Variants in KDM5A observed in about 807,000 individuals in gnomAD.
KDM5A encodes lysine demethylase 5A.
KDM5A carries 42 observed loss-of-function variants against 193.5 expected under a neutral mutation model. The ratio of observed to expected loss-of-function variants is 0.22; its 90% confidence interval spans 0.17 to 0.28. The LOEUF is 0.28. Among genes scored for constraint, KDM5A ranks in the 10% least tolerant of loss-of-function variants. KDM5A has a pLI of 1.00. For synonymous variants in KDM5A, 796 were observed against 718.1 expected, an observed-to-expected ratio of 1.11 and a Z score of -1.73; for missense variants, 1,692 against 2,055.1, an observed-to-expected ratio of 0.82 and a Z score of 3.42.
intron 5 of KDM5A, among the ~76,000 whole-genome samples, chr12:358,386 T>C (rs111438904): frequency 2.0e-5 from 3 of 152,344 alleles, no homozygotes; most frequent in East Asian, 1.9e-4. Flanking sequence ...CTTTAAACTT[T>C]TGTAGACTGA....
chr12:285,046 C>T lies in KDM5A; in HGVS notation c.*410G>A. ...TCCAACTATCCCAATGAAGGAGATC[C>T]AAGCAATTAGCACCTTCAGTTGGTG... is the stretch of plus-strand genomic sequence containing the variant. On this transcript the variant is annotated 3_prime_UTR_variant, in exon 28 of 28. Coordinates refer to ENST00000399788, the MANE Select transcript of KDM5A (RefSeq NM_001042603.3). The T allele has an allele frequency of 3.5e-6, 1 of 284,476 alleles. No individual in the cohort carries two copies. The highest frequency in any genetic ancestry group is 9.3e-5 in the South Asian group (1 of 10,780). The allele number at this position is 284,476 out of a possible 1,614,324, so 17.6% of individuals were successfully genotyped here.
At chr12:351,185 T>G (rs1944153961) in intron 9 of KDM5A, among the ~76,000 whole-genome samples, 1 of 152,172 alleles carries the variant, frequency 6.6e-6, no homozygotes, top group Non-Finnish European at 1.5e-5. Flanking sequence ...CATTGGGTAT[T>G]TCTCCTAATG....
At chr12:322,380 G>C (rs1318296818) in intron 17 of KDM5A, 37 bp downstream of exon 17, 2 of 1,601,272 alleles carry the variant, frequency 1.2e-6, no homozygotes, top group South Asian at 2.2e-5. Flanking sequence ...GAAAGAAACA[G>C]GAAAACACTG....
chr12:363,233 T>C, intron 4 of KDM5A, 136 bp from the exon 5 acceptor site: 1 of 957,138 alleles, frequency 1.0e-6, no homozygotes, highest in South Asian at 1.5e-5. Flanking sequence ...CATACAGCTA[T>C]CCCTACCAAA....
At chr12:373,073 C>G (rs1022683079) in intron 3 of KDM5A, among the ~76,000 whole-genome samples, 1 of 152,072 alleles carries the variant, frequency 6.6e-6, no homozygotes, top group Non-Finnish European at 1.5e-5. Flanking sequence ...TGGGTCTCTG[C>G]CAGGCTTTGG....
chr12:386,397 T>C (rs573593924), intron 1 of KDM5A, among the ~76,000 whole-genome samples: 33 of 152,320 alleles, frequency 2.2e-4, no homozygotes, highest in African/African-American at 7.9e-4. Context: ...TGTCAGTAGC[T>C]CAGCCACCAG....
intron 27 of KDM5A, among the ~76,000 whole-genome samples, chr12:291,134 AG>A (rs766795391): frequency 9.9e-5 from 15 of 152,222 alleles, no homozygotes; most frequent in Non-Finnish European, 1.6e-4. Context: ...TTTATAATAT[AG>A]GAAGATGCTT....
At chr12:304,361 C>T (rs1943478351) in intron 24 of KDM5A, among the ~76,000 whole-genome samples, 1 of 151,612 alleles carries the variant, frequency 6.6e-6, no homozygotes, top group African/African-American at 2.4e-5. Context: ...AAAAAACCAC[C>T]AGGTCAAATG....
At chr12:353,960 A>G (rs1236125549) in intron 8 of KDM5A, 116 bp downstream of exon 8, 9 of 862,600 alleles carry the variant, frequency 1.0e-5, no homozygotes, top group Admixed American at 4.6e-5. Flanking sequence ...TAAACACTAC[A>G]TAATGAAGAC....
intron 15 of KDM5A, among the ~76,000 whole-genome samples, 176 bp downstream of exon 15, chr12:323,424 A>C (rs571390319): frequency 1.3e-5 from 2 of 152,282 alleles, no homozygotes; most frequent in African/African-American, 4.8e-5. Context: ...CTGATAAACT[A>C]ATTTCAGCTG....
chr12:334,192 A>G, intron 11 of KDM5A, 49 bp downstream of exon 11: 1 of 1,505,592 alleles, frequency 6.6e-7, no homozygotes, highest in Non-Finnish European at 9.2e-7. Flanking sequence ...TCATTAATCC[A>G]CTAGACTTTA....
chr12:303,504 G>A (rs1565527175), intron 24 of KDM5A, among the ~76,000 whole-genome samples: 1 of 152,166 alleles, frequency 6.6e-6, no homozygotes, highest in East Asian at 1.9e-4. Flanking sequence ...ACACAGCAGG[G>A]CCTGTCCAGG....
In KDM5A at chr12:389,275, C is replaced by A. The variant is rs1208021788; in HGVS notation, c.-184G>T. ...CCGTTTGTTATTGTTTCTTGCAAGG[C>A]TTTTCCACTGAGGTTCAGGACTTTT... On this transcript the variant is annotated 5_prime_UTR_variant, in exon 1 of 28. Coordinates refer to ENST00000399788, the MANE Select transcript of KDM5A (RefSeq NM_001042603.3). 4.1e-6 allele frequency: 3 copies of A among 724,804 alleles called. No homozygotes were observed. The highest frequency in any genetic ancestry group is 3.0e-5 in the South Asian group (2 of 67,436). 44.9% of individuals were successfully genotyped at this position (724,804 alleles called of 1,614,324 possible).
At chr12:382,943 A>G (rs759745652) in intron 3 of KDM5A, among the ~76,000 whole-genome samples, 1 of 152,100 alleles carries the variant, frequency 6.6e-6, no homozygotes, top group Non-Finnish European at 1.5e-5. Context: ...AAAAAAAGAG[A>G]AAAAAACATA....
At chr12:364,604 T>C (rs566530240) in intron 4 of KDM5A, among the ~76,000 whole-genome samples, 11 of 151,526 alleles carry the variant, frequency 7.3e-5, no homozygotes, top group African/African-American at 2.7e-4. Context: ...GCTAACACGG[T>C]GAAACTCCGT....
chr12:298,163 A>G (rs1483827963), intron 24 of KDM5A, among the ~76,000 whole-genome samples: 1 of 152,234 alleles, frequency 6.6e-6, no homozygotes, highest in Non-Finnish European at 1.5e-5. Context: ...TGAAGAGAGC[A>G]GCGGATCTCC....
chr12:324,950 A>G (rs1365576592), intron 14 of KDM5A, among the ~76,000 whole-genome samples: 3 of 152,150 alleles, frequency 2.0e-5, no homozygotes, highest in African/African-American at 7.2e-5. Context: ...ATATAACTTT[A>G]CAGTTTCTGC....
intron 3 of KDM5A, among the ~76,000 whole-genome samples, chr12:374,923 CAG>C (rs1441586111): frequency 2.0e-5 from 3 of 152,114 alleles, no homozygotes; most frequent in African/African-American, 4.8e-5. Flanking sequence ...TGCTGGCTTG[CAG>C]AGTTTCTGCC....
At chr12:286,710 T>A (rs908724584) in intron 27 of KDM5A, among the ~76,000 whole-genome samples, 1 of 152,204 alleles carries the variant, frequency 6.6e-6, no homozygotes, top group African/African-American at 2.4e-5. Context: ...ATGAGTTTCA[T>A]TCATAGCAAC....
Sources: gnomAD v4.1 joint callset for allele counts (sites outside exome capture counted in the v4.1 genomes callset) on GRCh38, gnomAD v4.1.1 for gene constraint, MANE v1.5 for transcripts, NCBI Gene and HGNC (gene_info 2026-07-23, HGNC 2026-07-21) for gene names.